Variants in COL11A2 observed in about 807,000 individuals in gnomAD.
COL11A2 encodes collagen alpha-2(XI) chain.
Under a neutral mutation model 273.4 loss-of-function variants are expected in COL11A2, and 116 were observed. That is an observed-to-expected ratio of 0.42 (90% CI 0.36 to 0.49). The LOEUF (loss-of-function observed/expected upper bound fraction) is 0.49. COL11A2 is among the 20% of genes least tolerant of loss of function. COL11A2 has a pLI of 0.00. For synonymous variants in COL11A2, 782 were observed against 864.2 expected, an observed-to-expected ratio of 0.90 and a Z score of 1.67; for missense variants, 1,866 against 2,309.0, an observed-to-expected ratio of 0.81 and a Z score of 3.93.
chr6:33,173,751 G>A lies in COL11A2; in HGVS notation c.2584-6C>T, dbSNP rs1455209848. ...CCATCACCACCAGATGTTCCCTGTG[G>A]GGGGAAACAGAGTCAAGGAGTGGGA... On this transcript the variant is annotated splice_region_variant and splice_polypyrimidine_tract_variant and intron_variant, in intron 34 of 65. Transcript: ENST00000341947. This position sits in a 1 kb window ranked among gnomAD's most constrained non-coding sequence, Gnocchi z 6.3. 1 of 1,595,666 alleles carries A rather than the reference G, an allele frequency of 6.3e-7. No homozygotes were observed. The highest frequency in any genetic ancestry group is 1.7e-5 in the Admixed American group (1 of 59,076).
chr6:33,177,334 T>C lies in COL11A2; in HGVS notation c.1971+78A>G, dbSNP rs566905608. ...GGCCTGAAACCCTTAATTTCCTGTA[T>C]CCTTCCAGGGTCTCACCCATTGTGG... On this transcript the variant is annotated intron_variant, in intron 23 of 65. Transcript: ENST00000341947. The surrounding 1 kb of genome is among the most constrained non-coding windows in gnomAD (Gnocchi z 5.9). The C allele has an allele frequency of 6.2e-7, 1 of 1,601,276 alleles. No individual in the cohort carries two copies. Among genetic ancestry groups the C allele is most frequent in the African/African-American group, 1.3e-5 (1 of 74,638 alleles).
rs1222041802 is a variant in COL11A2 at position 33,167,367 on chromosome 6, C to T, written c.4123-50G>A. The T allele has an allele frequency of 6.2e-7, 1 of 1,612,446 alleles. No homozygotes were observed. The highest frequency in any genetic ancestry group is 1.1e-5 in the South Asian group (1 of 91,064). On this transcript the variant is annotated intron_variant, in intron 56 of 65. Transcript: ENST00000341947. This position sits in a 1 kb window ranked among gnomAD's most constrained non-coding sequence, Gnocchi z 6.1. ...GGTCAGGAGGAGCATCCCCACACTG[C>T]ACCCCTCCCATGGCCCCTCACTCCC...
rs151319255 is a variant in COL11A2, at chr6:33,164,861, G to A, written c.4854C>T (p.Asp1618=). ...AGGGGCCAGCTCTCACCTGCGTGAC[G>A]TCATCCCTAGGCGTCACACAGGTCT... ...GGETCVTPRD[D]VTQFSYVDSE... The change falls in exon 64 of 66, where the codon GAC becomes GAT. Residue 1618 remains aspartate, a synonymous_variant. Transcript: ENST00000341947. This position sits in a 1 kb window ranked among gnomAD's most constrained non-coding sequence, Gnocchi z 4.7. 1.3e-4 allele frequency: 209 copies of A among 1,560,116 alleles called. 2 individuals carry two copies. The South Asian group carries it at 1.7e-3, about 13-fold the overall frequency.
chr6:33,178,151 G>A lies in COL11A2; in HGVS notation c.1853C>T (p.Pro618Leu). ...ACTTACAGGGGGTCCAGGAATACCA[G>A]GTGGGCCTTTGGGGCCAAGGAGACC... ...PRGLLGPKGP[P>L]GIPGPPGVRG... Residue 618 changes from proline to leucine, a missense_variant, in exon 21 of 66, where the codon CCT becomes CTT. Transcript: ENST00000341947. This position sits in a 1 kb window ranked among gnomAD's most constrained non-coding sequence, Gnocchi z 4.6. The A allele has an allele frequency of 6.2e-7, 1 of 1,610,644 alleles. No individual in the cohort carries two copies. Among genetic ancestry groups the A allele is most frequent in the South Asian group, 1.1e-5 (1 of 90,874 alleles).
At position 33,179,019 on chromosome 6, in the gene COL11A2, C is replaced by A. The variant is rs754411403; in HGVS notation, c.1612-46G>T. ...TCAGAACAAGCAGGGCCGCAGTCCC[C>A]TACCCTGCAGGCCCTGTCTCCCCAC... On this transcript the variant is annotated intron_variant, in intron 16 of 65. Transcript: ENST00000341947. This position sits in a 1 kb window ranked among gnomAD's most constrained non-coding sequence, Gnocchi z 6.4. 9 of 1,613,848 alleles carry A rather than the reference C, an allele frequency of 5.6e-6. No individual in the cohort carries two copies. Among genetic ancestry groups the A allele is most frequent in the Non-Finnish European group, 2.5e-6 (3 of 1,179,870 alleles).
chr6:33,173,417 T>C lies in COL11A2; in HGVS notation c.2683-16A>G. 2.5e-6 allele frequency: 4 copies of C among 1,612,866 alleles called. No individual in the cohort carries two copies. The highest frequency in any genetic ancestry group is 3.4e-6 in the Non-Finnish European group (4 of 1,179,744). On this transcript the variant is annotated splice_polypyrimidine_tract_variant and intron_variant, in intron 36 of 65. Coordinates refer to ENST00000341947, the MANE Select transcript of COL11A2 (RefSeq NM_080680.3). This position sits in a 1 kb window ranked among gnomAD's most constrained non-coding sequence, Gnocchi z 6.3. ...CAGGGGGGCCCTGGAAGGGGTTCAG[T>C]TGTCAGGTGAACTCTCAGCTGGAAA...
At chr6:33,185,867 G>A (rs186688841) in intron 5 of COL11A2, 89 bp from the exon 6 acceptor site, 3 of 479,530 alleles carry the variant, frequency 6.3e-6, no homozygotes, top group Non-Finnish European at 1.3e-5. Context: ...TATAAAGATG[G>A]TGTGGGAGTT....
At chr6:33,185,097 A>G (rs1772225484) in intron 6 of COL11A2, 43 bp from the exon 7 acceptor site, 1 of 1,455,532 alleles carries the variant, frequency 6.9e-7, no homozygotes, top group African/African-American at 1.4e-5. Flanking sequence ...CGGGGTGGGA[A>G]GGAAGGAGAA....
In COL11A2 at chr6:33,176,676, CTG is replaced by C; in HGVS notation, c.2115+43_2115+44del. 1 of 1,588,380 alleles carries C rather than the reference CTG, an allele frequency of 6.3e-7. No individual in the cohort carries two copies. The highest frequency in any genetic ancestry group is 8.6e-7 in the Non-Finnish European group (1 of 1,159,794). ...CCCAAGGACTTTGAGGCTCTAGAGT[CTG>C]AGTGGAGACTCCCTCAGGGGATAAA... is the stretch of plus-strand genomic sequence containing the variant. On this transcript the variant is annotated intron_variant, in intron 26 of 65. Transcript: ENST00000341947. The surrounding 1 kb of genome is among the most constrained non-coding windows in gnomAD (Gnocchi z 4.9).
At position 33,178,612 on chromosome 6, in the gene COL11A2, C is replaced by T. The variant is rs1771260820; in HGVS notation, c.1719+67G>A. 1 of 1,607,416 alleles carries T rather than the reference C, an allele frequency of 6.2e-7. No individual in the cohort carries two copies. Among genetic ancestry groups the T allele is most frequent in the Non-Finnish European group, 8.5e-7 (1 of 1,175,452 alleles). On this transcript the variant is annotated intron_variant, in intron 18 of 65. Transcript: ENST00000341947. This position sits in a 1 kb window ranked among gnomAD's most constrained non-coding sequence, Gnocchi z 4.6. ...CCTGCCAAGCCTCCAGCCTCCCTTCCCTACCTATCCTCACTCCCATAGAAG... is the reference window on the plus strand; with the variant it reads ...CCTGCCAAGCCTCCAGCCTCCCTTCTCTACCTATCCTCACTCCCATAGAAG...
intron 8 of COL11A2, among the ~76,000 whole-genome samples, chr6:33,182,043 G>A (rs1209713275): frequency 1.3e-5 from 2 of 151,756 alleles, no homozygotes; most frequent in African/African-American, 2.4e-5. Flanking sequence ...GGGAGGCGGA[G>A]GCAGGCAGAT....
At chr6:33,184,043 G>A in intron 8 of COL11A2, 102 bp downstream of exon 8, 3 of 1,048,736 alleles carry the variant, frequency 2.9e-6, no homozygotes, top group Non-Finnish European at 4.1e-6. Context: ...TCACAGATGG[G>A]AAATAGCTCA....
chr6:33,183,954 G>A, intron 8 of COL11A2, among the ~76,000 whole-genome samples, 191 bp downstream of exon 8: 1 of 151,910 alleles, frequency 6.6e-6, no homozygotes, highest in East Asian at 1.9e-4. Context: ...GAGTCACAAG[G>A]TAAGACATTT....
rs1033632465 is a variant in COL11A2 at position 33,176,493 on chromosome 6, G to A, written c.2116-7C>T. On this transcript the variant is annotated splice_polypyrimidine_tract_variant and splice_region_variant and intron_variant, in intron 26 of 65. Transcript: ENST00000341947. This position sits in a 1 kb window ranked among gnomAD's most constrained non-coding sequence, Gnocchi z 4.9. The stretch of plus-strand genomic sequence containing the variant: ...CCTGAGGTCCAGAGGGACCCTGGAA[G>A]ATAAAAGAGAGGCATTTATAAAGGG... 2 of 1,611,772 alleles carry A rather than the reference G, an allele frequency of 1.2e-6. No homozygotes were observed. The highest frequency in any genetic ancestry group is 1.3e-5 in the African/African-American group (1 of 74,890).
intron 4 of COL11A2, 51 bp from the exon 5 acceptor site, chr6:33,186,869 G>T: frequency 6.2e-7 from 1 of 1,610,396 alleles, no homozygotes; most frequent in Non-Finnish European, 8.5e-7. Context: ...AGAGGCAGAG[G>T]GTATCATCCG....
rs1057524527 is a variant in COL11A2, at chr6:33,180,653, A to G, written c.1284+15T>C. On this transcript the variant is annotated intron_variant, in intron 11 of 65. Transcript: ENST00000341947. ...CCCCCGAAGCTCCCCCGTCACATGG[A>G]GGACACCCCCTTACCCTCTCTCCAG... 3 of 1,599,110 alleles carry G rather than the reference A, an allele frequency of 1.9e-6. No individual in the cohort carries two copies. Among genetic ancestry groups the G allele is most frequent in the Non-Finnish European group, 2.6e-6 (3 of 1,173,128 alleles).
At position 33,179,059 on chromosome 6, in the gene COL11A2, C is replaced by A; in HGVS notation, c.1611+14G>T. On this transcript the variant is annotated intron_variant, in intron 16 of 65. Transcript: ENST00000341947. This position sits in a 1 kb window ranked among gnomAD's most constrained non-coding sequence, Gnocchi z 6.4. ...TGTCTCCCCACAACACCCATCCACCCCTGGGGCACTCACCCTTCGCCCAGC... is the reference window on the plus strand; with the variant it reads ...TGTCTCCCCACAACACCCATCCACCACTGGGGCACTCACCCTTCGCCCAGC... 1 of 1,614,000 alleles carries A rather than the reference C, an allele frequency of 6.2e-7. No homozygotes were observed. The highest frequency in any genetic ancestry group is 8.5e-7 in the Non-Finnish European group (1 of 1,179,894).
Position 33,176,107 on chromosome 6 carries a change from A to G in COL11A2, c.2215-38T>C. 2 of 1,612,372 alleles carry G rather than the reference A, an allele frequency of 1.2e-6. No individual in the cohort carries two copies. The highest frequency in any genetic ancestry group is 1.7e-6 in the Non-Finnish European group (2 of 1,179,392). Reference sequence around the variant, plus strand: ...GAGGTGAGAGGGCACCACAGATGACAGAGGGCTGGGGTTCTAATGGGAATT... The same window carrying G: ...GAGGTGAGAGGGCACCACAGATGACGGAGGGCTGGGGTTCTAATGGGAATT... On this transcript the variant is annotated intron_variant, in intron 28 of 65. Transcript: ENST00000341947. The surrounding 1 kb of genome is among the most constrained non-coding windows in gnomAD (Gnocchi z 4.9).
At position 33,184,254 on chromosome 6, in the gene COL11A2, G is replaced by C; in HGVS notation, c.1010C>G (p.Thr337Arg). ...FQAEEYGEGG[T>R]DPPEGPYDYT... ...ATCGTAGGGCCCTTCAGGGGGGTCT[G>C]TGCCACCCTCCCCATATTCCTCTGC... The change falls in exon 8 of 66, where the codon ACA becomes AGA. Residue 337 changes from threonine to arginine, a missense_variant. By Grantham distance (71) the Thr-to-Arg change is moderately conservative (BLOSUM62 -1). Coordinates refer to ENST00000341947, the MANE Select transcript of COL11A2 (RefSeq NM_080680.3). 2 of 1,367,612 alleles carry C rather than the reference G, an allele frequency of 1.5e-6. No individual in the cohort carries two copies. Among genetic ancestry groups the C allele is most frequent in the Non-Finnish European group, 2.0e-6 (2 of 1,021,946 alleles). 84.7% of individuals were successfully genotyped at this position (1,367,612 alleles called of 1,614,324 possible).
Sources: allele counts gnomAD v4.1 joint callset (sites outside exome capture counted in the v4.1 genomes callset), GRCh38; gene constraint gnomAD v4.1.1; non-coding constraint Gnocchi (gnomAD v3.1); transcripts MANE v1.5; gene names NCBI Gene and HGNC (gene_info 2026-07-23, HGNC 2026-07-21).